PPP1R1C: variants seen among roughly 807,000 people sequenced by gnomAD.
PPP1R1C encodes protein phosphatase 1 regulatory inhibitor subunit 1C.
A neutral mutation model predicts 17.4 loss-of-function variants in PPP1R1C; 15 were observed. The observed-to-expected ratio is 0.86, with a 90% CI of 0.58 to 1.33. The LOEUF is 1.33. Among genes scored for constraint, PPP1R1C ranks in the 40% most tolerant of loss-of-function variants. The pLI is 0.00. For missense variants in PPP1R1C, 143 were observed against 130.0 expected, an observed-to-expected ratio of 1.10 and a Z score of -0.48; for synonymous variants, 35 against 43.1, an observed-to-expected ratio of 0.81 and a Z score of 0.73.
intron 4 of PPP1R1C, among the ~76,000 whole-genome samples, chr2:182,105,207 A>T (rs1297117413): frequency 6.6e-6 from 1 of 152,192 alleles, no homozygotes; most frequent in Non-Finnish European, 1.5e-5. Flanking sequence ...ATGTAAAATC[A>T]GCTGAGTTTG....
chr2:181,970,351 A>G (rs1263850562), intron 1 of PPP1R1C, among the ~76,000 whole-genome samples: 2 of 152,180 alleles, frequency 1.3e-5, no homozygotes, highest in African/African-American at 4.8e-5. Context: ...TATCTGCATT[A>G]GGGGGCACTC....
intron 2 of PPP1R1C, among the ~76,000 whole-genome samples, chr2:181,989,874 T>C (rs1196450815): frequency 6.6e-6 from 1 of 152,176 alleles, no homozygotes; most frequent in African/African-American, 2.4e-5. Flanking sequence ...CTTTTGGCTG[T>C]GTATAGGACT....
rs560965789 is a variant in PPP1R1C at position 182,014,842 on chromosome 2, G to A, written c.142+26943G>A. 4.6e-5 allele frequency among the ~76,000 whole-genome samples: 7 copies of A among 151,830 alleles called. No individual in the cohort carries two copies. In the South Asian group the frequency reaches 1.3e-3, roughly 27 times the overall value. ...TGGCTACCACTTCCCCAGGTCCATG[G>A]TGAGTACTGCCTGGCTACCACCAAT... On this transcript the variant is annotated intron_variant, in intron 2 of 4. Transcript: ENST00000682840.
intron 2 of PPP1R1C, among the ~76,000 whole-genome samples, chr2:182,046,093 T>TTTCC (rs56180506): frequency 0.036 from 5,142 of 143,882 alleles, 127 homozygotes; most frequent in East Asian, 0.053. Flanking sequence ...CCCTCCTACA[T>TTTCC]TTCCTTCCTT....
intron 2 of PPP1R1C, among the ~76,000 whole-genome samples, chr2:181,990,147 T>A (rs200337186): frequency 8.1e-6 from 1 of 123,462 alleles, no homozygotes; most frequent in African/African-American, 2.6e-5. Context: ...TTCTTTTCTT[T>A]CTTTTTTTTT....
At chr2:181,977,132 T>TAAAAAAAAAAAAA (rs67129466) in intron 2 of PPP1R1C, among the ~76,000 whole-genome samples, 3 of 19,850 alleles carry the variant, frequency 1.5e-4, no homozygotes, top group African/African-American at 3.6e-4. Flanking sequence ...AGAATCTATC[T>TAAAAAAAAAAAAA]AAAAAAAAAA....
chr2:182,025,799 G>A (rs1227407503), intron 2 of PPP1R1C, among the ~76,000 whole-genome samples: 1 of 144,698 alleles, frequency 6.9e-6, no homozygotes. Context: ...CTTCCACAAT[G>A]GTTGAACTAG....
chr2:182,065,130 T>C (rs1045923784), intron 4 of PPP1R1C, among the ~76,000 whole-genome samples: 1 of 152,094 alleles, frequency 6.6e-6, no homozygotes, highest in East Asian at 1.9e-4. Context: ...CATTTTTGCA[T>C]AAAGCCTTAT....
At chr2:182,074,953 G>A (rs1031467326) in intron 4 of PPP1R1C, among the ~76,000 whole-genome samples, 2 of 152,202 alleles carry the variant, frequency 1.3e-5, no homozygotes, top group Non-Finnish European at 2.9e-5. Context: ...CCCTAGGTCA[G>A]ATTTTGAGGA....
intron 2 of PPP1R1C, among the ~76,000 whole-genome samples, chr2:182,016,878 T>C (rs1323707504): frequency 2.0e-5 from 3 of 152,230 alleles, no homozygotes; most frequent in Admixed American, 1.3e-4. Flanking sequence ...GTTTAAGTTT[T>C]ATGTCGTTTT....
intron 5 of PPP1R1C, among the ~76,000 whole-genome samples, chr2:182,127,424 G>A (rs1296040509): frequency 6.6e-6 from 1 of 151,970 alleles, no homozygotes; most frequent in Non-Finnish European, 1.5e-5. Flanking sequence ...AGCAAACAAC[G>A]GTGTAGAGAT....
intron 1 of PPP1R1C, among the ~76,000 whole-genome samples, chr2:181,965,396 A>T (rs1349096296): frequency 2.0e-5 from 3 of 152,156 alleles, no homozygotes; most frequent in African/African-American, 7.2e-5. Context: ...GAAGGATTTC[A>T]TCAATGTTTT....
At chr2:182,012,228 T>C (rs571208695) in intron 2 of PPP1R1C, among the ~76,000 whole-genome samples, 3 of 152,202 alleles carry the variant, frequency 2.0e-5, no homozygotes, top group Admixed American at 6.5e-5. Flanking sequence ...CCAGGTATTA[T>C]TGTATTGTGA....
At chr2:182,122,708 C>A (rs184312420), downstream of PPP1R1C, among the ~76,000 whole-genome samples, 10 of 151,630 alleles carry the variant, frequency 6.6e-5, no homozygotes, top group Admixed American at 2.0e-4. Flanking sequence ...TAAGCCAAAA[C>A]AGACATAAAG....
At chr2:182,012,654 T>A in intron 2 of PPP1R1C, among the ~76,000 whole-genome samples, 1 of 152,108 alleles carries the variant, frequency 6.6e-6, no homozygotes, top group Non-Finnish European at 1.5e-5. Context: ...TTTCGTTATT[T>A]GTTTTCTGGT....
chr2:181,987,811 A>G (rs756256529), intron 1 of PPP1R1C, 28 bp from the exon 2 acceptor site: 1 of 1,609,586 alleles, frequency 6.2e-7, no homozygotes, highest in South Asian at 1.1e-5. Context: ...ATACTCACTG[A>G]TATTAGCTGG....
Position 181,961,645 on chromosome 2 carries a change from G to C in PPP1R1C, n.111+7011G>C, listed in dbSNP as rs1198636225. ...GGTGGACTGCGTAGTGACCACTGTGGTGCTCTTCTCAATCTGCTGAGACCA... is the reference window on the plus strand; with the variant it reads ...GGTGGACTGCGTAGTGACCACTGTGCTGCTCTTCTCAATCTGCTGAGACCA... On this transcript the variant is annotated intron_variant and non_coding_transcript_variant, in intron 1 of 5. Transcript: ENST00000464264. This position sits in a 1 kb window ranked among gnomAD's most constrained non-coding sequence, Gnocchi z 5.8. 1.3e-6 allele frequency: 1 copy of C among 749,792 alleles called. No homozygotes were observed. The highest frequency in any genetic ancestry group is 2.4e-6 in the Non-Finnish European group (1 of 413,668). The allele number at this position is 749,792 out of a possible 1,614,324, so 46.4% of individuals were successfully genotyped here.
At chr2:181,977,323 A>G (rs1685111860) in intron 2 of PPP1R1C, among the ~76,000 whole-genome samples, 1 of 151,768 alleles carries the variant, frequency 6.6e-6, no homozygotes, top group African/African-American at 2.4e-5. Context: ...ACTCTCTTCA[A>G]TCTTTATTTC....
chr2:182,023,144 T>A (rs1021189724), intron 2 of PPP1R1C, among the ~76,000 whole-genome samples: 3 of 152,150 alleles, frequency 2.0e-5, no homozygotes, highest in Admixed American at 6.5e-5. Flanking sequence ...AGAAAAATTA[T>A]CATGCAAGAA....
Sources: allele counts gnomAD v4.1 joint callset (sites outside exome capture counted in the v4.1 genomes callset), GRCh38; gene constraint gnomAD v4.1.1; non-coding constraint Gnocchi (gnomAD v3.1); transcripts MANE v1.5; gene names NCBI Gene and HGNC (gene_info 2026-07-23, HGNC 2026-07-21).